Variants in AIM2 observed in about 807,000 individuals in gnomAD.
The protein encoded by AIM2 is interferon-inducible protein AIM2.
AIM2 carries 30 observed loss-of-function variants against 27.7 expected under a neutral mutation model. The observed-to-expected ratio is 1.08, with a 90% confidence interval of 0.81 to 1.47. AIM2 has a LOEUF of 1.47. Among genes scored for constraint, AIM2 ranks in the 40% most tolerant of loss-of-function variants. The pLI is 0.00. For missense variants in AIM2, 358 were observed against 411.3 expected (o/e 0.87, Z 1.12); for synonymous variants, 141 against 145.3 (o/e 0.97, Z 0.21).
At chr1:159,056,385 C>A in the AIM2 span, among the ~76,000 whole-genome samples, 287 of 152,128 alleles carry the variant, frequency 1.9e-3, 4 homozygotes, top group Middle Eastern at 6.8e-3. Context: ...GTCTCATTGC[C>A]CCCTCTAAAG....
intron 4 of AIM2, among the ~76,000 whole-genome samples, chr1:159,065,421 T>A (rs1356331641): frequency 6.6e-6 from 1 of 151,224 alleles, no homozygotes; most frequent in African/African-American, 2.4e-5. Context: ...ACTTTTTAAT[T>A]AAAAAAAAAG....
chr1:159,126,877 T>C (rs1284453006), intron 1 of AIM2, among the ~76,000 whole-genome samples: 1 of 152,158 alleles, frequency 6.6e-6, no homozygotes, highest in Non-Finnish European at 1.5e-5. Context: ...CATTAATACA[T>C]TGTGTTATAC....
At chr1:159,141,746 G>A (rs916603059), upstream of AIM2, among the ~76,000 whole-genome samples, 1 of 151,996 alleles carries the variant, frequency 6.6e-6, no homozygotes, top group African/African-American at 2.4e-5. Context: ...GCATCACCGA[G>A]CCATCTCAGC....
At chr1:159,058,192 T>C (rs1178802431), downstream of AIM2, among the ~76,000 whole-genome samples, 1 of 151,946 alleles carries the variant, frequency 6.6e-6, no homozygotes, top group Non-Finnish European at 1.5e-5. Flanking sequence ...CATCTCTACA[T>C]ACAAACATTA....
chr1:159,063,891 C>A (rs190992427), intron 4 of AIM2, among the ~76,000 whole-genome samples: 170 of 152,342 alleles, frequency 1.1e-3, no homozygotes, highest in Non-Finnish European at 1.8e-3. Flanking sequence ...CCTCAGTCTA[C>A]TTAACATCAA....
chr1:159,060,604 T>C (rs1655801922), downstream of AIM2, among the ~76,000 whole-genome samples: 1 of 152,250 alleles, frequency 6.6e-6, no homozygotes, highest in Admixed American at 6.5e-5. Flanking sequence ...ATCTAGTCTT[T>C]ACTATACTTT....
At chr1:159,135,602 A>G (rs1251096093) in intron 1 of AIM2, among the ~76,000 whole-genome samples, 1 of 152,234 alleles carries the variant, frequency 6.6e-6, no homozygotes, top group Non-Finnish European at 1.5e-5. Flanking sequence ...AAGCACCGTT[A>G]GAAGTTTATA....
At chr1:159,146,090 G>C (rs1265678089) in intron 1 of AIM2, among the ~76,000 whole-genome samples, 1 of 151,058 alleles carries the variant, frequency 6.6e-6, no homozygotes, top group Non-Finnish European at 1.5e-5. Context: ...TGGTGACAGA[G>C]TGAGACACTG....
chr1:159,083,479 A>G (rs1260419270), intron 1 of AIM2, among the ~76,000 whole-genome samples: 2 of 152,220 alleles, frequency 1.3e-5, no homozygotes, highest in Admixed American at 1.3e-4. Context: ...TCCTTGTAAT[A>G]TTATTGAATT....
chr1:159,098,717 C>T (rs1657253077), intron 1 of AIM2, among the ~76,000 whole-genome samples: 2 of 152,174 alleles, frequency 1.3e-5, no homozygotes, highest in Admixed American at 6.5e-5. Context: ...TTAGTGACAT[C>T]TAAGCTGAGA....
chr1:159,113,276 A>G (rs1039004077), intron 1 of AIM2, among the ~76,000 whole-genome samples: 2 of 152,174 alleles, frequency 1.3e-5, no homozygotes, highest in African/African-American at 4.8e-5. Flanking sequence ...GCATTTTGTC[A>G]TATCATTGTT....
chr1:159,145,496 A>T (rs1355777321), upstream of AIM2, among the ~76,000 whole-genome samples: 2 of 152,212 alleles, frequency 1.3e-5, no homozygotes, highest in East Asian at 1.9e-4. Context: ...ACAATTCAGC[A>T]TGAGAATCAA....
downstream of AIM2, chr1:159,062,467 A>T (rs1655867858): frequency 1.8e-6 from 1 of 567,800 alleles, no homozygotes; most frequent in Non-Finnish European, 3.1e-6. Flanking sequence ...AAACTAAAGG[A>T]GATAGTGGGA....
rs190506438 is a variant in AIM2, at chr1:159,126,508, G to T, written c.-16+13923C>A. Among the ~76,000 whole-genome samples the T allele has an allele frequency of 2.7e-3, 411 of 152,176 alleles. 2 individuals carry two copies. The highest frequency in any genetic ancestry group is 9.3e-3 in the African/African-American group (386 of 41,506). ...TAAAAATACAAAAAAAATTAGCTGG[G>T]TATGGTGGCGGGTGCCTGTAGTCCC... is the stretch of plus-strand genomic sequence containing the variant. On this transcript the variant is annotated intron_variant, in intron 1 of 2. Transcript: ENST00000368129.
chr1:159,066,221 T>C lies in AIM2; in HGVS notation c.505A>G (p.Thr169Ala). Residue 169 changes from threonine to alanine, a missense_variant, in exon 4 of 6, where the codon ACC becomes GCC. Physicochemically the swap from Thr to Ala is moderately conservative, Grantham distance 58. Coordinates refer to ENST00000368130, the MANE Select transcript of AIM2 (RefSeq NM_004833.3). ...LKAKKPFTFETQEGKQEMFHA... is the reference protein window; with the variant it reads ...LKAKKPFTFEAQEGKQEMFHA... ...AACATCTCCTGCTTGCCTTCTTGGG[T>C]CTCAAACGTGAAGGGCTTCTTTGCT... is the stretch of plus-strand genomic sequence containing the variant. The C allele has an allele frequency of 6.2e-7, 1 of 1,614,194 alleles. No individual in the cohort carries two copies. The highest frequency in any genetic ancestry group is 8.5e-7 in the Non-Finnish European group (1 of 1,180,034).
At chr1:159,092,908 C>T (rs1439855738) in intron 1 of AIM2, among the ~76,000 whole-genome samples, 1 of 152,044 alleles carries the variant, frequency 6.6e-6, no homozygotes, top group Non-Finnish European at 1.5e-5. Context: ...CACCTGTAAT[C>T]CCAGCTACTT....
intron 1 of AIM2, among the ~76,000 whole-genome samples, chr1:159,133,797 G>T (rs144891560): frequency 6.6e-6 from 1 of 152,108 alleles, no homozygotes. Context: ...AAATGCTGAA[G>T]TTCCTCTTAG....
At chr1:159,100,646 A>G (rs1174379422) in intron 1 of AIM2, among the ~76,000 whole-genome samples, 2 of 152,244 alleles carry the variant, frequency 1.3e-5, no homozygotes, top group Non-Finnish European at 2.9e-5. Context: ...CAACAATTGA[A>G]TCTGCATTCC....
chr1:159,074,685 C>A, intron 1 of AIM2, among the ~76,000 whole-genome samples: 1 of 151,930 alleles, frequency 6.6e-6, no homozygotes, highest in East Asian at 1.9e-4. Context: ...TTTAGTACCA[C>A]TCCAAGAGAG....
Sources: allele counts gnomAD v4.1 joint callset (sites outside exome capture counted in the v4.1 genomes callset), GRCh38; gene constraint gnomAD v4.1.1; transcripts MANE v1.5; gene names NCBI Gene and HGNC (gene_info 2026-07-23, HGNC 2026-07-21).